NAT1: variants seen among roughly 807,000 people sequenced by gnomAD.
The protein encoded by NAT1 is N-acetyltransferase 1.
For missense variants in NAT1, 400 were observed against 339.2 expected, an observed-to-expected ratio of 1.18 and a Z score of -1.41; for synonymous variants, 144 against 122.6, an observed-to-expected ratio of 1.17 and a Z score of -1.16.
chr8:18,203,071 A>T (rs567675644), intron 2 of NAT1, among the ~76,000 whole-genome samples: 1 of 152,260 alleles, frequency 6.6e-6, no homozygotes, highest in South Asian at 2.1e-4. Context: ...CTTTAGCTAG[A>T]CACAAAAGTT....
At chr8:18,201,380 C>T (rs1374558686) in intron 2 of NAT1, among the ~76,000 whole-genome samples, 1 of 152,028 alleles carries the variant, frequency 6.6e-6, no homozygotes, top group African/African-American at 2.4e-5. Context: ...GCTGTTCATT[C>T]GGAAGGGAAG....
Position 18,212,001 on chromosome 8 carries a change from A to T in NAT1, c.-86+1821A>T, listed in dbSNP as rs181276013. Among the ~76,000 whole-genome samples, 11 of 152,314 alleles carry T rather than the reference A, an allele frequency of 7.2e-5. No individual in the cohort carries two copies. In the East Asian group the frequency reaches 9.7e-4, roughly 13 times the overall value. On this transcript the variant is annotated intron_variant, in intron 1 of 2. Transcript: ENST00000307719. ...CCTTACAGCCCTATCTCATAGGCAGACTACCTCTGGGTTAAACTGCTTTTA... is the reference window on the plus strand; with the variant it reads ...CCTTACAGCCCTATCTCATAGGCAGTCTACCTCTGGGTTAAACTGCTTTTA...
At chr8:18,198,133 T>C (rs1049229927) in intron 2 of NAT1, among the ~76,000 whole-genome samples, 5 of 149,788 alleles carry the variant, frequency 3.3e-5, no homozygotes, top group African/African-American at 1.2e-4. Context: ...TTCCTTGAAT[T>C]GAAATTAACA....
intron 2 of NAT1, among the ~76,000 whole-genome samples, chr8:18,197,343 A>G (rs547257654): frequency 1.3e-5 from 2 of 152,318 alleles, no homozygotes; most frequent in South Asian, 4.1e-4. Flanking sequence ...GTACATAAAG[A>G]CATCATACAG....
At chr8:18,210,541 T>C (rs1349104139) in intron 1 of NAT1, among the ~76,000 whole-genome samples, 2 of 152,352 alleles carry the variant, frequency 1.3e-5, no homozygotes, top group Non-Finnish European at 2.9e-5. Flanking sequence ...AGATAACTAA[T>C]GTGTTTAAGG....
At position 18,222,387 on chromosome 8, in the gene NAT1, A is replaced by G. The variant is rs745340680; in HGVS notation, c.340A>G (p.Ile114Val). The G allele has an allele frequency of 2.1e-5, 34 of 1,613,994 alleles. No individual in the cohort carries two copies. The highest frequency in any genetic ancestry group is 2.7e-5 in the Non-Finnish European group (32 of 1,180,006). ...GATTCACCTTCTCCTGCAGGTGACC[A>G]TTGATGGCAGGAACTACATTGTCGA... is the stretch of plus-strand genomic sequence containing the variant. ...GMIHLLLQVT[I>V]DGRNYIVDAG... The change falls in exon 3 of 3, where the codon ATT becomes GTT. Residue 114 changes from isoleucine (I) to valine (V), a missense_variant. Coordinates refer to ENST00000307719, the MANE Select transcript of NAT1 (RefSeq NM_000662.8).
chr8:18,210,828 G>A (rs1056714746), intron 1 of NAT1, among the ~76,000 whole-genome samples: 2 of 152,202 alleles, frequency 1.3e-5, no homozygotes, highest in African/African-American at 4.8e-5. Flanking sequence ...AGGCTGGAGT[G>A]CAGTGGCGTG....
intron 2 of NAT1, among the ~76,000 whole-genome samples, chr8:18,184,352 A>T (rs1246449914): frequency 1.3e-5 from 2 of 152,066 alleles, no homozygotes; most frequent in African/African-American, 4.8e-5. Context: ...CAGCCCACGG[A>T]GGGCGCCCTG....
chr8:18,191,111 T>C (rs1382035472), intron 2 of NAT1, among the ~76,000 whole-genome samples: 1 of 151,988 alleles, frequency 6.6e-6, no homozygotes, highest in Admixed American at 6.6e-5. Context: ...AATATACTGA[T>C]ACCCTGTATA....
chr8:18,172,744 G>T (rs1253422379), intron 2 of NAT1, among the ~76,000 whole-genome samples: 3 of 152,020 alleles, frequency 2.0e-5, no homozygotes, highest in African/African-American at 7.3e-5. Flanking sequence ...ATCTTTCATG[G>T]TTTGTATTTA....
intron 2 of NAT1, among the ~76,000 whole-genome samples, chr8:18,185,801 AT>A (rs1026469498): frequency 3.3e-5 from 5 of 152,140 alleles, no homozygotes; most frequent in African/African-American, 1.2e-4. Flanking sequence ...CATATAAATT[AT>A]TCCTTTAAGT....
intron 1 of NAT1, among the ~76,000 whole-genome samples, chr8:18,217,609 A>C (rs1003831554): frequency 5.9e-5 from 9 of 152,236 alleles, no homozygotes; most frequent in Non-Finnish European, 1.2e-4. Context: ...TTCCAAGTAA[A>C]AGCAAACAAA....
chr8:18,207,497 T>C (rs781068747), upstream of NAT1, among the ~76,000 whole-genome samples: 2 of 152,178 alleles, frequency 1.3e-5, no homozygotes, highest in African/African-American at 2.4e-5. Flanking sequence ...TTTCACGATA[T>C]TGATTCTTCC....
chr8:18,186,971 G>A, intron 2 of NAT1, among the ~76,000 whole-genome samples: 1 of 152,098 alleles, frequency 6.6e-6, no homozygotes, highest in Middle Eastern at 3.2e-3. Context: ...TAAGAAATCT[G>A]GCAAAAAGTA....
chr8:18,193,962 CA>C (rs1486699000), intron 2 of NAT1, among the ~76,000 whole-genome samples: 1 of 152,028 alleles, frequency 6.6e-6, no homozygotes, highest in Non-Finnish European at 1.5e-5. Context: ...TTTTTAAAAA[CA>C]AAAATATACA....
At chr8:18,181,580 T>C (rs1338993529) in intron 2 of NAT1, among the ~76,000 whole-genome samples, 2 of 152,194 alleles carry the variant, frequency 1.3e-5, no homozygotes, top group African/African-American at 4.8e-5. Context: ...CTGATTACTC[T>C]GGCTACAACT....
At chr8:18,199,317 C>CAAACAA (rs1803367339) in intron 2 of NAT1, among the ~76,000 whole-genome samples, 1 of 87,484 alleles carries the variant, frequency 1.1e-5, no homozygotes, top group Admixed American at 1.3e-4. Flanking sequence ...GACTCTGTCT[C>CAAACAA]AAAAAAAAAA....
chr8:18,221,873 A>G (rs547201072), intron 2 of NAT1, 169 bp from the exon 3 acceptor site: 1 of 640,194 alleles, frequency 1.6e-6, no homozygotes, highest in East Asian at 3.0e-5. Context: ...TGGGACTATT[A>G]ACTGAACTTA....
intron 2 of NAT1, among the ~76,000 whole-genome samples, chr8:18,172,055 T>C (rs1802116450): frequency 6.6e-6 from 1 of 152,204 alleles, no homozygotes; most frequent in Non-Finnish European, 1.5e-5. Flanking sequence ...CACTGAAATA[T>C]ACTTAATCCT....
Sources: gnomAD v4.1 joint callset for allele counts (sites outside exome capture counted in the v4.1 genomes callset) on GRCh38, gnomAD v4.1.1 for gene constraint, MANE v1.5 for transcripts, NCBI Gene and HGNC (gene_info 2026-07-23, HGNC 2026-07-21) for gene names.